LRRC37A2: variants seen among roughly 807,000 people sequenced by gnomAD.
LRRC37A2 encodes leucine rich repeat containing 37 member A2.
A neutral mutation model predicts 68.8 loss-of-function variants in LRRC37A2; 9 were observed. The ratio of observed to expected loss-of-function variants is 0.13; its 90% confidence interval spans 0.08 to 0.23. The LOEUF (loss-of-function observed/expected upper bound fraction) is 0.23. Ranked by LOEUF, LRRC37A2 falls within the 10% of genes least tolerant of loss-of-function variation. The probability of loss-of-function intolerance (pLI) is 1.00; values close to 1 mark genes in which losing one functional copy is unlikely to be tolerated. For missense variants in LRRC37A2, 168 were observed against 950.4 expected (o/e 0.18, Z 10.82); for synonymous variants, 63 against 367.6 (o/e 0.17, Z 9.48).
the LRRC37A2 span, among the ~76,000 whole-genome samples, chr17:46,844,399 A>G: frequency 3.3e-5 from 5 of 151,698 alleles, no homozygotes; most frequent in African/African-American, 1.2e-4. Flanking sequence ...TTAAAGAAAA[A>G]CATCTGGCTG....
the LRRC37A2 span, among the ~76,000 whole-genome samples, chr17:46,486,593 A>G: frequency 3.9e-5 from 1 of 25,738 alleles, no homozygotes; most frequent in East Asian, 4.3e-4. Context: ...CAACCATTTT[A>G]CTTATGTTCC....
the LRRC37A2 span, among the ~76,000 whole-genome samples, chr17:46,767,227 T>A: frequency 6.6e-6 from 1 of 152,064 alleles, no homozygotes; most frequent in Non-Finnish European, 1.5e-5. Flanking sequence ...CTGGGAAGCT[T>A]GGGAACAAAA....
chr17:47,024,405 A>G, the LRRC37A2 span, among the ~76,000 whole-genome samples: 1 of 152,094 alleles, frequency 6.6e-6, no homozygotes, highest in Admixed American at 6.6e-5. Context: ...TCTAAAAGGG[A>G]TTTTGTGATC....
the LRRC37A2 span, among the ~76,000 whole-genome samples, chr17:46,675,689 T>A: frequency 7.4e-6 from 1 of 135,340 alleles, no homozygotes; most frequent in Non-Finnish European, 1.5e-5. Flanking sequence ...TCTGTTTGTC[T>A]GTTCTGATTA....
At chr17:46,769,006 G>C in the LRRC37A2 span, among the ~76,000 whole-genome samples, 279 of 152,304 alleles carry the variant, frequency 1.8e-3, 2 homozygotes, top group Middle Eastern at 3.4e-3. Context: ...TGGGTAGACA[G>C]CACGTCCACT....
At chr17:46,902,990 T>C in the LRRC37A2 span, among the ~76,000 whole-genome samples, 4 of 152,026 alleles carry the variant, frequency 2.6e-5, no homozygotes, top group African/African-American at 9.7e-5. Context: ...CGAAAAAGGA[T>C]TCAAGAAGGG....
the LRRC37A2 span, among the ~76,000 whole-genome samples, chr17:47,036,718 T>G: frequency 6.6e-6 from 1 of 151,072 alleles, no homozygotes. Context: ...CACATTCCAG[T>G]ATCACACTGT....
the LRRC37A2 span, among the ~76,000 whole-genome samples, chr17:46,499,633 A>T: frequency 0.65 from 68,831 of 106,184 alleles, 23,650 homozygotes; most frequent in Middle Eastern, 0.79. Context: ...TGCCTGTAAT[A>T]TAATTGTGCT....
chr17:46,858,057 G>A, the LRRC37A2 span, among the ~76,000 whole-genome samples: 1 of 152,126 alleles, frequency 6.6e-6, no homozygotes, highest in Non-Finnish European at 1.5e-5. Flanking sequence ...AGCCTCCCAA[G>A]TAGCTGGGAC....
At chr17:46,847,772 G>T in the LRRC37A2 span, among the ~76,000 whole-genome samples, 2 of 152,190 alleles carry the variant, frequency 1.3e-5, no homozygotes, top group African/African-American at 4.8e-5. Flanking sequence ...CTGGGAAGCC[G>T]CATTTCCACT....
the LRRC37A2 span, among the ~76,000 whole-genome samples, chr17:46,809,436 C>G: frequency 6.6e-6 from 1 of 152,204 alleles, no homozygotes; most frequent in African/African-American, 2.4e-5. Context: ...CCAGACAGAC[C>G]TGGGTGCTTG....
At chr17:46,861,541 G>T in the LRRC37A2 span, among the ~76,000 whole-genome samples, 1 of 152,106 alleles carries the variant, frequency 6.6e-6, no homozygotes, top group Non-Finnish European at 1.5e-5. Flanking sequence ...GTCAGGATAG[G>T]AACTGGACAC....
At chr17:46,802,741 G>C in the LRRC37A2 span, among the ~76,000 whole-genome samples, 1 of 152,216 alleles carries the variant, frequency 6.6e-6, no homozygotes, top group Non-Finnish European at 1.5e-5. Flanking sequence ...CCGGATAGCG[G>C]AACACGTGGA....
At chr17:46,954,038 G>A in the LRRC37A2 span, among the ~76,000 whole-genome samples, 25 of 152,124 alleles carry the variant, frequency 1.6e-4, no homozygotes, top group Non-Finnish European at 2.9e-4. Context: ...TCTTTAGTTT[G>A]ATTAGATCCC....
At chr17:46,779,447 G>A in the LRRC37A2 span, among the ~76,000 whole-genome samples, 1 of 152,122 alleles carries the variant, frequency 6.6e-6, no homozygotes, top group African/African-American at 2.4e-5. Context: ...CCCTTCCCTA[G>A]GACCCTGCCA....
the LRRC37A2 span, among the ~76,000 whole-genome samples, chr17:46,642,534 TTG>T: frequency 3.1e-5 from 4 of 129,638 alleles, no homozygotes; most frequent in Non-Finnish European, 4.6e-5. Flanking sequence ...AACATGAGTT[TTG>T]TAATCATTGA....
the LRRC37A2 span, among the ~76,000 whole-genome samples, chr17:46,947,379 G>T: frequency 0.44 from 66,142 of 151,978 alleles, 14,834 homozygotes; most frequent in South Asian, 0.52. Context: ...CCCAGATCTG[G>T]TGAAACCACC....
chr17:46,440,609 G>C, the LRRC37A2 span, among the ~76,000 whole-genome samples: 2 of 18,218 alleles, frequency 1.1e-4, no homozygotes, highest in African/African-American at 3.8e-4. Flanking sequence ...TGGGATTACA[G>C]GCACATGCCA....
chr17:46,635,818 T>TGTGTGTGG, the LRRC37A2 span, among the ~76,000 whole-genome samples: 7 of 138,360 alleles, frequency 5.1e-5, 1 homozygote, highest in African/African-American at 1.9e-4. Flanking sequence ...TGTGTGTGTG[T>TGTGTGTGG]GCTCGTGTGT....
Sources: gnomAD v4.1 joint callset for allele counts (sites outside exome capture counted in the v4.1 genomes callset) on GRCh38, gnomAD v4.1.1 for gene constraint, MANE v1.5 for transcripts, NCBI Gene and HGNC (gene_info 2026-07-23, HGNC 2026-07-21) for gene names.